The following HECA variants were observed in gnomAD, a reference collection of about 807,000 sequenced individuals.
HECA encodes the protein headcase protein homolog.
In HECA, 13 loss-of-function variants were observed where a neutral mutation model predicts 37.6. The ratio of observed to expected loss-of-function variants is 0.35; its 90% CI spans 0.23 to 0.55. HECA has a LOEUF of 0.55. HECA is among the 20% of genes least tolerant of loss of function. The probability of loss-of-function intolerance (pLI) is 0.90; values close to 1 mark genes in which losing one functional copy is unlikely to be tolerated. For synonymous variants in HECA, 307 were observed against 291.5 expected (o/e 1.05, Z -0.54); for missense variants, 527 against 701.9 (o/e 0.75, Z 2.82).
rs1774420798 is a variant in HECA, at chr6:139,135,527, T to TGGCGGCGGCGGCCGGTTGCGG, written c.144_164dup (p.Cys50_Gly56dup). ...GCGGGAGCGGCGGCCGGGGGGGCCC[T>TGGCGGCGGCGGCCGGTTGCGG]GGCGGCGGCGGCCGGTTGCGGGGCG... On this transcript the variant is annotated inframe_insertion, in exon 1 of 4. Coordinates refer to ENST00000367658, the MANE Select transcript of HECA (RefSeq NM_016217.3). 8.1e-6 allele frequency: 8 copies of TGGCGGCGGCGGCCGGTTGCGG among 988,458 alleles called. No individual in the cohort carries two copies. The highest frequency in any genetic ancestry group is 6.4e-5 in the Admixed American group (1 of 15,696). 61.2% of individuals were successfully genotyped at this position (988,458 alleles called of 1,614,324 possible).
In HECA at chr6:139,166,306, G is replaced by C; in HGVS notation, c.294G>C (p.Leu98=). ...CAGAAGCCCCATGTGCCACTCCCCT[G>C]ATCTGCAGCTTCGGTAGGCCGGTGG... ...AKNEAPCATP[L]ICSFGRPVDL... is the part of the protein sequence containing the mutation. The change falls in exon 2 of 4, where the codon CTG becomes CTC. Residue 98 remains leucine, a synonymous_variant. Coordinates refer to ENST00000367658, the MANE Select transcript of HECA (RefSeq NM_016217.3). 1.9e-6 allele frequency: 3 copies of C among 1,609,664 alleles called. No homozygotes were observed. Among genetic ancestry groups the C allele is most frequent in the Non-Finnish European group, 2.5e-6 (3 of 1,176,938 alleles).
At chr6:139,157,424 A>G (rs1414093771) in intron 1 of HECA, among the ~76,000 whole-genome samples, 1 of 152,222 alleles carries the variant, frequency 6.6e-6, no homozygotes, top group Admixed American at 6.5e-5. Flanking sequence ...GCTCTGGTTC[A>G]CACGCCTCTT....
intron 1 of HECA, chr6:139,144,271 G>A (rs185689742): frequency 6.6e-6 from 1 of 152,220 alleles, no homozygotes; most frequent in East Asian, 1.9e-4. Flanking sequence ...AATTATACTT[G>A]GGGGGATCAG....
intron 1 of HECA, among the ~76,000 whole-genome samples, chr6:139,138,119 TTC>T (rs1400140151): frequency 3.3e-5 from 5 of 152,172 alleles, no homozygotes; most frequent in Non-Finnish European, 7.3e-5. Flanking sequence ...AAATGCTTTT[TTC>T]TTTTCTTTTC....
At chr6:139,162,124 A>G (rs908091001) in intron 1 of HECA, among the ~76,000 whole-genome samples, 23 of 152,312 alleles carry the variant, frequency 1.5e-4, no homozygotes, top group African/African-American at 4.8e-4. Context: ...AAGATGAGTA[A>G]GAGGCTTCCT....
chr6:139,173,818 G>A (rs1034720038), intron 2 of HECA, among the ~76,000 whole-genome samples: 2 of 152,122 alleles, frequency 1.3e-5, no homozygotes, highest in Admixed American at 6.5e-5. Context: ...AAAAAATTAC[G>A]AGTAAGATAT....
Position 139,166,818 on chromosome 6 carries a change from C to T in HECA, c.806C>T (p.Pro269Leu), listed in dbSNP as rs1774894461. The T allele has an allele frequency of 2.5e-6, 4 of 1,613,528 alleles. No individual in the cohort carries two copies. Among genetic ancestry groups the T allele is most frequent in the Admixed American group, 1.7e-5 (1 of 59,978 alleles). The part of the protein sequence containing the change: ...AYGARSPGGS[P>L]GQSPPTGYSI... ...GGTGCCCGTTCCCCCGGTGGCTCCC[C>T]GGGCCAGTCCCCACCCACGGGCTAC... Residue 269 changes from proline (P) to leucine (L), a missense_variant, in exon 2 of 4, where the codon CCG (proline) becomes CTG (leucine). Transcript: ENST00000367658.
intron 1 of HECA, among the ~76,000 whole-genome samples, chr6:139,154,524 T>A (rs1774690267): frequency 6.6e-6 from 1 of 152,226 alleles, no homozygotes; most frequent in African/African-American, 2.4e-5. Context: ...CAGGGAGTTG[T>A]GAGTTGTATT....
chr6:139,174,090 T>G (rs1206985194), intron 2 of HECA, among the ~76,000 whole-genome samples: 1 of 152,214 alleles, frequency 6.6e-6, no homozygotes, highest in East Asian at 1.9e-4. Context: ...GTGGCTTTGT[T>G]ACTTGAATTT....
At chr6:139,136,854 T>C (rs1387222415) in intron 1 of HECA, among the ~76,000 whole-genome samples, 1 of 152,100 alleles carries the variant, frequency 6.6e-6, no homozygotes, top group Non-Finnish European at 1.5e-5. Context: ...CAGGCTGGTC[T>C]CGAACTCCTG....
chr6:139,140,271 G>C (rs1183741773), intron 1 of HECA, among the ~76,000 whole-genome samples: 1 of 152,228 alleles, frequency 6.6e-6, no homozygotes, highest in Non-Finnish European at 1.5e-5. Flanking sequence ...AATATCTGTT[G>C]AGGATCTAAG....
rs1477766565 is a variant in HECA at position 139,177,654 on chromosome 6, C to G, written c.*549C>G. Reference sequence around the variant, plus strand: ...CCTGAAAGTGGCACAAGTGCTGTTTCTATCACTATTGTAATTTGCCAGTTC... The same window carrying G: ...CCTGAAAGTGGCACAAGTGCTGTTTGTATCACTATTGTAATTTGCCAGTTC... On this transcript the variant is annotated 3_prime_UTR_variant, in exon 4 of 4. Coordinates refer to ENST00000367658, the MANE Select transcript of HECA (RefSeq NM_016217.3). This position sits in a 1 kb window ranked among gnomAD's most constrained non-coding sequence, Gnocchi z 4.9. The G allele has an allele frequency of 6.6e-6, 1 of 152,592 alleles. No individual in the cohort carries two copies. The highest frequency in any genetic ancestry group is 6.5e-5 in the Admixed American group (1 of 15,280). The allele number at this position is 152,592 out of a possible 1,614,324, so 9.5% of individuals were successfully genotyped here.
chr6:139,159,783 A>G (rs982902874), intron 1 of HECA, among the ~76,000 whole-genome samples: 1 of 152,198 alleles, frequency 6.6e-6, no homozygotes, highest in Non-Finnish European at 1.5e-5. Context: ...TCCCTATTTT[A>G]GATTTTGCCT....
At chr6:139,152,231 C>T (rs2473537) in intron 1 of HECA, among the ~76,000 whole-genome samples, 127,630 of 152,148 alleles carry the variant, frequency 0.84, 54,249 homozygotes, top group African/African-American at 0.91. Flanking sequence ...GAGATCAGAG[C>T]GTCAGAGCCA....
intron 1 of HECA, among the ~76,000 whole-genome samples, chr6:139,154,061 AAC>A (rs1217527412): frequency 1.3e-5 from 2 of 152,206 alleles, no homozygotes; most frequent in Non-Finnish European, 2.9e-5. Flanking sequence ...TCATAATAAA[AAC>A]AGTGAGCTGT....
intron 2 of HECA, among the ~76,000 whole-genome samples, chr6:139,167,705 A>C (rs1774911719): frequency 6.6e-6 from 1 of 152,206 alleles, no homozygotes; most frequent in Non-Finnish European, 1.5e-5. Context: ...ACAGTGAGGA[A>C]AAGCAGTGGT....
chr6:139,155,435 A>G (rs889190944), intron 1 of HECA, among the ~76,000 whole-genome samples: 4 of 152,182 alleles, frequency 2.6e-5, no homozygotes, highest in Admixed American at 2.0e-4. Flanking sequence ...TGTAGGGGAA[A>G]AATGAGGTAG....
At position 139,166,920 on chromosome 6, in the gene HECA, A is replaced by G. The variant is rs1189276889; in HGVS notation, c.908A>G (p.His303Arg). 1 of 1,614,096 alleles carries G rather than the reference A, an allele frequency of 6.2e-7. No homozygotes were observed. The highest frequency in any genetic ancestry group is 8.5e-7 in the Non-Finnish European group (1 of 1,180,012). Residue 303 changes from histidine to arginine, a missense_variant, in exon 2 of 4, where the codon CAT becomes CGT. Coordinates refer to ENST00000367658, the MANE Select transcript of HECA (RefSeq NM_016217.3). ...GGGGAGTTCTTAAAGAACGCCATCC[A>G]TCTGGAGCCTCACAAGAAGGCCATG... ...YLGEFLKNAI[H>R]LEPHKKAMAG...
intron 1 of HECA, among the ~76,000 whole-genome samples, chr6:139,150,253 G>A (rs541288208): frequency 3.3e-5 from 5 of 152,192 alleles, no homozygotes; most frequent in Non-Finnish European, 5.9e-5. Context: ...AACAGTTTCT[G>A]TGGGTATGAA....
Sources: allele counts gnomAD v4.1 joint callset (sites outside exome capture counted in the v4.1 genomes callset), GRCh38; gene constraint gnomAD v4.1.1; non-coding constraint Gnocchi (gnomAD v3.1); transcripts MANE v1.5; gene names NCBI Gene and HGNC (gene_info 2026-07-23, HGNC 2026-07-21).